The following GNA14 variants were observed in gnomAD, a reference collection of about 807,000 sequenced individuals.
GNA14 encodes the protein G protein subunit alpha 14, also known as guanine nucleotide-binding protein subunit alpha-14.
A neutral mutation model predicts 42.0 loss-of-function variants in GNA14; 50 were observed. The observed-to-expected ratio is 1.19, with a 90% CI of 0.95 to 1.51. GNA14 has a LOEUF of 1.51. GNA14 is among the 40% of genes most tolerant of loss of function. The pLI, the probability that GNA14 is intolerant of heterozygous loss-of-function variation, is 0.00. For synonymous variants in GNA14, 173 were observed against 163.1 expected, an observed-to-expected ratio of 1.06 and a Z score of -0.46; for missense variants, 473 against 446.2, an observed-to-expected ratio of 1.06 and a Z score of -0.54.
At chr9:77,549,282 T>G (rs1837761692) in intron 1 of GNA14, among the ~76,000 whole-genome samples, 1 of 152,138 alleles carries the variant, frequency 6.6e-6, no homozygotes, top group African/African-American at 2.4e-5. Context: ...ACACAAGCCC[T>G]CCCAAGTGCT....
intron 1 of GNA14, among the ~76,000 whole-genome samples, chr9:77,537,884 CATTCAT>C (rs1293718201): frequency 6.6e-5 from 10 of 151,628 alleles, no homozygotes; most frequent in African/African-American, 2.2e-4. Flanking sequence ...CTTTTAAAAA[CATTCAT>C]ATTCATATTC....
At chr9:77,521,043 T>G (rs990133856) in intron 2 of GNA14, among the ~76,000 whole-genome samples, 1 of 152,202 alleles carries the variant, frequency 6.6e-6, no homozygotes, top group Non-Finnish European at 1.5e-5. Flanking sequence ...ACTCTTATAT[T>G]TCAAGCTCTG....
intron 1 of GNA14, among the ~76,000 whole-genome samples, chr9:77,560,128 TCA>T (rs906381204): frequency 6.6e-5 from 10 of 152,302 alleles, no homozygotes; most frequent in African/African-American, 2.4e-4. Context: ...TATAAATTTT[TCA>T]CACTTTCGTT....
rs374660992 is a variant in GNA14 at position 77,588,424 on chromosome 9, C to G, written c.125-59171G>C. ...AGCAGGACTTGGTGATTTCTTGATC[C>G]TGATGGAGAATGACTAAGGAAATCT... On this transcript the variant is annotated intron_variant, in intron 1 of 6. Coordinates refer to ENST00000341700, the MANE Select transcript of GNA14 (RefSeq NM_004297.4). Among the ~76,000 whole-genome samples the G allele has an allele frequency of 8.5e-5, 13 of 152,204 alleles. 1 individual carries two copies. The East Asian group carries it at 1.5e-3, about 18-fold the overall frequency.
chr9:77,629,801 C>A (rs1824067564), intron 1 of GNA14, among the ~76,000 whole-genome samples: 1 of 152,104 alleles, frequency 6.6e-6, no homozygotes, highest in Admixed American at 6.6e-5. Context: ...ATGGGTGCAG[C>A]AAACCACCAT....
intron 3 of GNA14, among the ~76,000 whole-genome samples, chr9:77,432,151 A>T (rs896971281): frequency 2.0e-5 from 3 of 151,040 alleles, no homozygotes; most frequent in Admixed American, 6.6e-5. Flanking sequence ...AGACACTTTT[A>T]GGTAAAATAA....
intron 6 of GNA14, among the ~76,000 whole-genome samples, chr9:77,424,961 A>G (rs775739553): frequency 1.3e-5 from 2 of 152,202 alleles, no homozygotes; most frequent in Non-Finnish European, 1.5e-5. Context: ...CCTGTACCAG[A>G]AACAATTAGC....
intron 1 of GNA14, among the ~76,000 whole-genome samples, chr9:77,548,752 C>T (rs1464291031): frequency 6.6e-6 from 1 of 152,152 alleles, no homozygotes; most frequent in South Asian, 2.1e-4. Context: ...ACTTCTTTAA[C>T]CAAGTTGTTT....
At chr9:77,559,861 T>C (rs1268903222) in intron 1 of GNA14, among the ~76,000 whole-genome samples, 1 of 152,228 alleles carries the variant, frequency 6.6e-6, no homozygotes, top group Non-Finnish European at 1.5e-5. Flanking sequence ...AAGCTCAGCT[T>C]ATAAACTGTT....
intron 1 of GNA14, among the ~76,000 whole-genome samples, chr9:77,600,769 A>C (rs1012634374): frequency 6.6e-6 from 1 of 152,152 alleles, no homozygotes; most frequent in Non-Finnish European, 1.5e-5. Context: ...AAAAACAAAA[A>C]TTAGCAGGGC....
chr9:77,481,246 G>T (rs1027593025), intron 2 of GNA14, among the ~76,000 whole-genome samples: 2 of 152,120 alleles, frequency 1.3e-5, no homozygotes, highest in Non-Finnish European at 2.9e-5. Flanking sequence ...CTGGTGTGTT[G>T]TGTCTTTGTT....
At chr9:77,466,428 C>A (rs1208145104) in intron 2 of GNA14, among the ~76,000 whole-genome samples, 3 of 152,200 alleles carry the variant, frequency 2.0e-5, no homozygotes, top group African/African-American at 7.2e-5. Context: ...CAGGGTTGTA[C>A]ACTTCAACTT....
At chr9:77,506,295 A>AG (rs1393791962) in intron 2 of GNA14, among the ~76,000 whole-genome samples, 2 of 151,724 alleles carry the variant, frequency 1.3e-5, no homozygotes, top group Non-Finnish European at 2.9e-5. Flanking sequence ...AAAAAAAAAA[A>AG]AAAAAGAAAT....
chr9:77,557,221 G>A (rs994950539), intron 1 of GNA14, among the ~76,000 whole-genome samples: 1 of 152,194 alleles, frequency 6.6e-6, no homozygotes, highest in Non-Finnish European at 1.5e-5. Flanking sequence ...AGAAAGAAGG[G>A]AGAATGGGAG....
intron 2 of GNA14, among the ~76,000 whole-genome samples, chr9:77,514,161 G>A (rs1237544093): frequency 6.6e-6 from 1 of 152,136 alleles, no homozygotes; most frequent in Non-Finnish European, 1.5e-5. Flanking sequence ...CAACTCAGAA[G>A]CAATATTTCC....
At chr9:77,633,556 G>A (rs750790186) in intron 1 of GNA14, among the ~76,000 whole-genome samples, 1 of 152,128 alleles carries the variant, frequency 6.6e-6, no homozygotes, top group Non-Finnish European at 1.5e-5. Flanking sequence ...TTTTTAAAAG[G>A]TCACTCTGGC....
intron 2 of GNA14, among the ~76,000 whole-genome samples, chr9:77,521,878 G>C (rs923686326): frequency 6.6e-6 from 1 of 152,088 alleles, no homozygotes; most frequent in African/African-American, 2.4e-5. Flanking sequence ...TGTCACCCAG[G>C]CTGGGGTGCA....
rs145023686 is a variant in GNA14, at chr9:77,446,044, G to A, written c.310-11522C>T. 4.1e-3 allele frequency among the ~76,000 whole-genome samples: 621 copies of A among 152,346 alleles called. 3 individuals carry two copies. Among genetic ancestry groups the A allele is most frequent in the African/African-American group, 0.014 (587 of 41,576 alleles). On this transcript the variant is annotated intron_variant, in intron 2 of 6. Transcript: ENST00000341700. ...TACTCCCAATTTTCCAGTGACCAGG[G>A]CCCTGCTGGGGAAAAGGCGGGGACT...
At chr9:77,585,264 T>C (rs778771944) in intron 1 of GNA14, among the ~76,000 whole-genome samples, 63 of 152,308 alleles carry the variant, frequency 4.1e-4, no homozygotes, top group Non-Finnish European at 8.4e-4. Context: ...ATATTCCTTT[T>C]AGGCATAAGA....
Sources: allele counts gnomAD v4.1 joint callset (sites outside exome capture counted in the v4.1 genomes callset), GRCh38; gene constraint gnomAD v4.1.1; transcripts MANE v1.5; gene names NCBI Gene and HGNC (gene_info 2026-07-23, HGNC 2026-07-21).